CYB5R4: variants seen among roughly 807,000 people sequenced by gnomAD.
CYB5R4 encodes N-terminal cytochrome b5 and cytochrome b5 oxidoreductase domain-containing protein.
In CYB5R4, 55 loss-of-function variants were observed where a neutral mutation model predicts 70.2. That is an observed-to-expected ratio of 0.78 (90% CI 0.63 to 0.98). CYB5R4 has a LOEUF of 0.98. CYB5R4 is among the 50% of genes least tolerant of loss of function. The probability of loss-of-function intolerance (pLI) is 0.00; values close to 1 mark genes in which losing one functional copy is unlikely to be tolerated. For synonymous variants in CYB5R4, 197 were observed against 199.5 expected (o/e 0.99, Z 0.11); for missense variants, 562 against 612.6 (o/e 0.92, Z 0.87).
chr6:83,923,395 G>T (rs2099466731), intron 9 of CYB5R4, among the ~76,000 whole-genome samples: 1 of 152,086 alleles, frequency 6.6e-6, no homozygotes, highest in Non-Finnish European at 1.5e-5. Flanking sequence ...AAAGACCATG[G>T]TTTTATTTTG....
chr6:83,861,997 C>T (rs2099456024), intron 1 of CYB5R4, among the ~76,000 whole-genome samples: 2 of 152,136 alleles, frequency 1.3e-5, no homozygotes, highest in South Asian at 4.1e-4. Context: ...TAAGTGAAGG[C>T]TTATTGTAAT....
At chr6:83,867,159 G>A (rs1285015390) in intron 2 of CYB5R4, among the ~76,000 whole-genome samples, 1 of 152,154 alleles carries the variant, frequency 6.6e-6, no homozygotes, top group Non-Finnish European at 1.5e-5. Flanking sequence ...TCAGACTGTT[G>A]GAAGGGAGAC....
At chr6:83,861,443 T>C (rs1310437440) in intron 1 of CYB5R4, among the ~76,000 whole-genome samples, 1 of 152,214 alleles carries the variant, frequency 6.6e-6, no homozygotes, top group Admixed American at 6.5e-5. Flanking sequence ...TCTCAAATAG[T>C]GTTGTTTCAT....
At chr6:83,940,746 A>G (rs960756501) in intron 14 of CYB5R4, 145 bp downstream of exon 14, 1 of 1,017,510 alleles carries the variant, frequency 9.8e-7, no homozygotes, top group East Asian at 3.2e-5. Flanking sequence ...ACTAGAAATC[A>G]TGTTAAATGT....
rs145344313 is a variant in CYB5R4, at chr6:83,920,208, A to C, written c.564+754A>C. 2.6e-4 allele frequency among the ~76,000 whole-genome samples: 39 copies of C among 152,300 alleles called. No individual in the cohort carries two copies. The East Asian group carries it at 7.5e-3, about 29-fold the overall frequency. On this transcript the variant is annotated intron_variant, in intron 7 of 15. Coordinates refer to ENST00000369681, the MANE Select transcript of CYB5R4 (RefSeq NM_016230.4). ...TTCCCACACTTTGAGGGATATGTAGATTTAAAGACAAGCTCTGGCAGCTAG... is the reference window on the plus strand; with the variant it reads ...TTCCCACACTTTGAGGGATATGTAGCTTTAAAGACAAGCTCTGGCAGCTAG...
intron 4 of CYB5R4, chr6:83,910,389 G>A: frequency 2.2e-6 from 1 of 461,012 alleles, no homozygotes; most frequent in Non-Finnish European, 3.9e-6. Flanking sequence ...TTCTGAAGTG[G>A]GCTTTACTAG....
rs763204792 is a variant in CYB5R4, at chr6:83,940,221, C to G, written c.1259+15C>G. 1.9e-6 allele frequency: 3 copies of G among 1,587,038 alleles called. No homozygotes were observed. The highest frequency in any genetic ancestry group is 1.4e-5 in the African/African-American group (1 of 73,574). The stretch of plus-strand genomic sequence containing the variant: ...CCCAGTCTCAGGTATGTAATTTTGT[C>G]TCTAATTACGATCCTTTTTGAGGCT... On this transcript the variant is annotated intron_variant, in intron 13 of 15. Transcript: ENST00000369681.
At chr6:83,881,806 C>T (rs985094020) in intron 2 of CYB5R4, among the ~76,000 whole-genome samples, 4 of 152,140 alleles carry the variant, frequency 2.6e-5, no homozygotes, top group Non-Finnish European at 5.9e-5. Context: ...GCTTTTAATT[C>T]GGAAGTCCTA....
intron 2 of CYB5R4, among the ~76,000 whole-genome samples, chr6:83,880,775 T>A (rs1479831305): frequency 1.3e-5 from 2 of 152,198 alleles, no homozygotes; most frequent in African/African-American, 4.8e-5. Flanking sequence ...TCTTCTGAAG[T>A]GCTTAGAGAC....
intron 14 of CYB5R4, among the ~76,000 whole-genome samples, chr6:83,945,261 A>C (rs1390177217): frequency 6.6e-6 from 1 of 152,258 alleles, no homozygotes; most frequent in Non-Finnish European, 1.5e-5. Flanking sequence ...CTCAGGATTA[A>C]GAAACTCACT....
intron 2 of CYB5R4, among the ~76,000 whole-genome samples, chr6:83,869,513 T>C (rs1411483679): frequency 1.3e-5 from 2 of 152,150 alleles, no homozygotes; most frequent in African/African-American, 2.4e-5. Flanking sequence ...TGACTTCTTG[T>C]TTTAGTTCTT....
intron 14 of CYB5R4, 98 bp downstream of exon 14, chr6:83,940,699 C>T: frequency 7.4e-7 from 1 of 1,348,836 alleles, no homozygotes; most frequent in Non-Finnish European, 9.8e-7. Context: ...GTCCAGGAAG[C>T]TCCTTCAAAG....
intron 3 of CYB5R4, among the ~76,000 whole-genome samples, chr6:83,905,911 G>A (rs1287852870): frequency 2.0e-5 from 3 of 152,130 alleles, no homozygotes; most frequent in African/African-American, 4.8e-5. Context: ...GCTAGCTGTG[G>A]TGATAGCAGC....
At chr6:83,913,854 G>A (rs1443286878) in intron 4 of CYB5R4, among the ~76,000 whole-genome samples, 1 of 151,894 alleles carries the variant, frequency 6.6e-6, no homozygotes, top group Non-Finnish European at 1.5e-5. Context: ...TGAGTTGGCC[G>A]CCATCCTGAA....
chr6:83,879,471 T>C (rs966832119), intron 2 of CYB5R4, among the ~76,000 whole-genome samples: 3 of 152,200 alleles, frequency 2.0e-5, no homozygotes, highest in Non-Finnish European at 4.4e-5. Context: ...CTCCTGTCAG[T>C]ACAGGGACCG....
chr6:83,943,033 A>G (rs1452426637), intron 14 of CYB5R4, among the ~76,000 whole-genome samples: 2 of 152,196 alleles, frequency 1.3e-5, no homozygotes, highest in African/African-American at 4.8e-5. Context: ...CTATGGGCAC[A>G]GCTTCAGCAG....
chr6:83,862,248 A>C (rs1435056300), intron 1 of CYB5R4, among the ~76,000 whole-genome samples: 8 of 152,228 alleles, frequency 5.3e-5, no homozygotes, highest in Non-Finnish European at 1.0e-4. Context: ...GTGACACAGA[A>C]TATGCACTCA....
intron 2 of CYB5R4, among the ~76,000 whole-genome samples, chr6:83,873,059 C>T (rs2099457900): frequency 6.6e-6 from 1 of 152,072 alleles, no homozygotes; most frequent in South Asian, 2.1e-4. Flanking sequence ...GACTGTGCTG[C>T]CTCCTGTTTT....
At chr6:83,889,460 C>T (rs954745711) in intron 2 of CYB5R4, among the ~76,000 whole-genome samples, 3 of 152,154 alleles carry the variant, frequency 2.0e-5, no homozygotes, top group Admixed American at 1.3e-4. Context: ...TGCCTGTGCT[C>T]TATAAATGGG....
Sources: gnomAD v4.1 joint callset for allele counts (sites outside exome capture counted in the v4.1 genomes callset) on GRCh38, gnomAD v4.1.1 for gene constraint, MANE v1.5 for transcripts, NCBI Gene and HGNC (gene_info 2026-07-23, HGNC 2026-07-21) for gene names.